Variants in ARHGAP28 observed in about 807,000 individuals in gnomAD.
The protein encoded by ARHGAP28 is Rho GTPase activating protein 28, also known as rho GTPase-activating protein 28.
Under a neutral mutation model 90.7 loss-of-function variants are expected in ARHGAP28, and 56 were observed. The observed-to-expected ratio is 0.62, with a 90% CI of 0.50 to 0.77. The LOEUF (loss-of-function observed/expected upper bound fraction) is 0.77, where lower values mean the gene tolerates loss of function less well. ARHGAP28 is among the 30% of genes least tolerant of loss of function. The pLI, the probability that ARHGAP28 is intolerant of heterozygous loss-of-function variation, is 0.00. For missense variants in ARHGAP28, 869 were observed against 900.9 expected (o/e 0.96, Z 0.45); for synonymous variants, 308 against 323.3 (o/e 0.95, Z 0.51).
chr18:6,859,877 G>T lies in ARHGAP28; in HGVS notation c.706G>T (p.Val236Phe). Residue 236 changes from valine (V) to phenylalanine (F), a missense_variant, in exon 5 of 18, where the codon GTT (valine) becomes TTT (phenylalanine). Physicochemically the swap from Val to Phe is conservative, Grantham distance 50. Transcript: ENST00000383472. ...CCAGGATAAAGAAGGGAGTTTTGCG[G>T]TTCCCAGGAGTGACTCTGTGGTAAG... The part of the protein sequence containing the change: ...ASQDKEGSFA[V>F]PRSDSVAILE... 1 of 1,614,150 alleles carries T rather than the reference G, an allele frequency of 6.2e-7. No homozygotes were observed. Among genetic ancestry groups the T allele is most frequent in the Non-Finnish European group, 8.5e-7 (1 of 1,180,014 alleles).
chr18:6,866,563 C>G (rs1180414009), intron 5 of ARHGAP28, among the ~76,000 whole-genome samples: 1 of 152,192 alleles, frequency 6.6e-6, no homozygotes, highest in Non-Finnish European at 1.5e-5. Context: ...TCTCCAATAA[C>G]ACTTGCAGTT....
At chr18:6,903,755 G>T (rs1363574950) in intron 16 of ARHGAP28, among the ~76,000 whole-genome samples, 1 of 150,356 alleles carries the variant, frequency 6.7e-6, no homozygotes, top group Non-Finnish European at 1.5e-5. Context: ...CTTGAACCCG[G>T]GAGGCGGAGG....
intron 16 of ARHGAP28, among the ~76,000 whole-genome samples, chr18:6,904,514 A>G (rs916180222): frequency 6.6e-6 from 1 of 152,230 alleles, no homozygotes; most frequent in African/African-American, 2.4e-5. Context: ...TCTCAAATCA[A>G]CTGTCCAAGT....
intron 1 of ARHGAP28, among the ~76,000 whole-genome samples, chr18:6,814,985 T>C (rs1458063534): frequency 6.6e-6 from 1 of 152,126 alleles, no homozygotes; most frequent in Non-Finnish European, 1.5e-5. Context: ...TAGCCCCTAA[T>C]TGGATAAAAA....
chr18:6,870,822 C>A, intron 7 of ARHGAP28, 90 bp downstream of exon 7: 3 of 1,339,200 alleles, frequency 2.2e-6, no homozygotes, highest in South Asian at 2.9e-5. Context: ...TTTTTTGAGA[C>A]GGAGTCTCGC....
chr18:6,877,420 GC>G lies in ARHGAP28; in HGVS notation c.1290+1215del, dbSNP rs1365138401. On this transcript the variant is annotated intron_variant, in intron 10 of 17. Coordinates refer to ENST00000383472, the MANE Select transcript of ARHGAP28 (RefSeq NM_001366230.1). ...CCGTGTGCTGGGCAGAATGGGCAAG[GC>G]CCTGGTACCCATGCCTCACCCCGTC... Among the ~76,000 whole-genome samples, 7 of 152,300 alleles carry G rather than the reference GC, an allele frequency of 4.6e-5. No individual in the cohort carries two copies. The East Asian group carries it at 1.4e-3, about 30-fold the overall frequency.
intron 5 of ARHGAP28, among the ~76,000 whole-genome samples, chr18:6,864,509 G>A (rs1029727071): frequency 1.3e-5 from 2 of 152,008 alleles, no homozygotes; most frequent in Non-Finnish European, 1.5e-5. Flanking sequence ...TATTGTGTGT[G>A]TACACATATA....
chr18:6,886,214 G>A (rs997366892), intron 11 of ARHGAP28, among the ~76,000 whole-genome samples: 4 of 152,090 alleles, frequency 2.6e-5, no homozygotes, highest in African/African-American at 9.7e-5. Context: ...CCATTGAATA[G>A]AAATAGATTT....
chr18:6,846,291 C>CGAT (rs1425275333), intron 3 of ARHGAP28, among the ~76,000 whole-genome samples: 3 of 152,072 alleles, frequency 2.0e-5, no homozygotes, highest in South Asian at 2.1e-4. Context: ...ATGAAGATGG[C>CGAT]GATGATGATG....
chr18:6,776,680 A>C (rs923220945), intron 1 of ARHGAP28, among the ~76,000 whole-genome samples: 1 of 152,182 alleles, frequency 6.6e-6, no homozygotes, highest in Admixed American at 6.5e-5. Context: ...AATAGGTAAC[A>C]CATCTTAGTT....
intron 1 of ARHGAP28, among the ~76,000 whole-genome samples, chr18:6,768,895 T>A (rs1567941121): frequency 6.6e-6 from 1 of 152,144 alleles, no homozygotes; most frequent in Admixed American, 6.5e-5. Flanking sequence ...CTCTCAGGCA[T>A]CACATCTTCT....
At chr18:6,850,998 T>C (rs765353053) in intron 3 of ARHGAP28, 36 bp from the exon 4 acceptor site, 1 of 1,611,066 alleles carries the variant, frequency 6.2e-7, no homozygotes, top group Non-Finnish European at 8.5e-7. Flanking sequence ...TGGAAAGATA[T>C]GCCTGGATAA....
At chr18:6,873,167 G>T (rs111405417) in intron 7 of ARHGAP28, among the ~76,000 whole-genome samples, 3 of 152,318 alleles carry the variant, frequency 2.0e-5, no homozygotes, top group African/African-American at 7.2e-5. Flanking sequence ...AGTTTCCACA[G>T]TTGCAATGGC....
intron 1 of ARHGAP28, among the ~76,000 whole-genome samples, chr18:6,739,115 G>A (rs1420059940): frequency 6.6e-6 from 1 of 152,178 alleles, no homozygotes; most frequent in Non-Finnish European, 1.5e-5. Flanking sequence ...AGCAAGGAGA[G>A]CCAAGATTCC....
Position 6,873,494 on chromosome 18 carries a change from C to G in ARHGAP28, c.1040C>G (p.Ser347Cys). 6.2e-7 allele frequency: 1 copy of G among 1,614,160 alleles called. No individual in the cohort carries two copies. The highest frequency in any genetic ancestry group is 1.3e-5 in the African/African-American group (1 of 75,062). ...AEDMKKIRHL[S>C]LIELTAFFDA... is the part of the protein sequence containing the mutation. ...GACATGAAGAAAATCCGCCATCTCT[C>G]TCTGATTGAATTGACTGCCTTTTTT... is the stretch of plus-strand genomic sequence containing the variant. The change falls in exon 8 of 18, where the codon TCT becomes TGT. Residue 347 changes from serine (S) to cysteine (C), a missense_variant. Ser to Cys is a moderately radical substitution (Grantham distance 112). Coordinates refer to ENST00000383472, the MANE Select transcript of ARHGAP28 (RefSeq NM_001366230.1).
intron 1 of ARHGAP28, among the ~76,000 whole-genome samples, chr18:6,780,093 C>T (rs1005915838): frequency 1.3e-5 from 2 of 152,166 alleles, no homozygotes; most frequent in African/African-American, 4.8e-5. Context: ...AAGCCCACCC[C>T]AGCTTTCAAC....
chr18:6,885,067 T>A (rs1463374638), intron 11 of ARHGAP28, among the ~76,000 whole-genome samples: 1 of 152,192 alleles, frequency 6.6e-6, no homozygotes, highest in Non-Finnish European at 1.5e-5. Flanking sequence ...CAGAGACCAA[T>A]TATCTTCTGT....
chr18:6,902,035 A>T (rs2057341057), intron 16 of ARHGAP28, among the ~76,000 whole-genome samples: 1 of 152,136 alleles, frequency 6.6e-6, no homozygotes, highest in South Asian at 2.1e-4. Flanking sequence ...TAAATCCAGG[A>T]TGATTTAATC....
chr18:6,799,390 A>C (rs2056465385), intron 1 of ARHGAP28, among the ~76,000 whole-genome samples: 1 of 152,212 alleles, frequency 6.6e-6, no homozygotes, highest in African/African-American at 2.4e-5. Flanking sequence ...AAACTACTTT[A>C]AATTTCATAT....
Sources: gnomAD v4.1 joint callset for allele counts (sites outside exome capture counted in the v4.1 genomes callset) on GRCh38, gnomAD v4.1.1 for gene constraint, MANE v1.5 for transcripts, NCBI Gene and HGNC (gene_info 2026-07-23, HGNC 2026-07-21) for gene names.